The following DNAH9 variants were observed in gnomAD, a reference collection of about 807,000 sequenced individuals.
The protein encoded by DNAH9 is DNAH9 variant protein.
In DNAH9, 345 loss-of-function variants were observed where a neutral mutation model predicts 471.6. That is an observed-to-expected ratio of 0.73 (90% CI 0.67 to 0.80). DNAH9 has a LOEUF of 0.80. Among genes scored for constraint, DNAH9 ranks in the 30% least tolerant of loss-of-function variants. The pLI is 0.00. For missense variants in DNAH9, 5,407 were observed against 5,609.2 expected (o/e 0.96, Z 1.15); for synonymous variants, 2,093 against 2,123.6 (o/e 0.99, Z 0.40).
chr17:11,803,305 A>G (rs903866920), intron 43 of DNAH9, among the ~76,000 whole-genome samples: 7 of 152,060 alleles, frequency 4.6e-5, no homozygotes, highest in Non-Finnish European at 8.8e-5. Context: ...TCACTTAGCA[A>G]TCATTAACAA....
chr17:11,858,978 G>A (rs1056052918), intron 50 of DNAH9, among the ~76,000 whole-genome samples: 2 of 151,464 alleles, frequency 1.3e-5, no homozygotes, highest in African/African-American at 4.9e-5. Context: ...CAGCTACTTG[G>A]GAGGCTGAGG....
At chr17:11,878,630 C>A (rs555983384) in intron 53 of DNAH9, among the ~76,000 whole-genome samples, 3 of 152,122 alleles carry the variant, frequency 2.0e-5, no homozygotes, top group African/African-American at 7.2e-5. Flanking sequence ...ATCATGGCTC[C>A]CTGCAGCCTC....
chr17:11,812,231 C>T (rs574675746), intron 45 of DNAH9, among the ~76,000 whole-genome samples: 81 of 151,062 alleles, frequency 5.4e-4, no homozygotes, highest in Middle Eastern at 6.8e-3. Context: ...AGTCAGTGTA[C>T]AAATGTTCCT....
intron 29 of DNAH9, among the ~76,000 whole-genome samples, chr17:11,741,934 C>T (rs2075438720): frequency 6.6e-6 from 1 of 152,210 alleles, no homozygotes; most frequent in Non-Finnish European, 1.5e-5. Flanking sequence ...CTTAAGAAGG[C>T]GACTTCATTT....
At chr17:11,780,418 A>G (rs1236351201) in intron 38 of DNAH9, among the ~76,000 whole-genome samples, 1 of 152,186 alleles carries the variant, frequency 6.6e-6, no homozygotes, top group Non-Finnish European at 1.5e-5. Flanking sequence ...AAGGGCATCT[A>G]CCCAGCCCTG....
intron 61 of DNAH9, among the ~76,000 whole-genome samples, chr17:11,908,493 A>G (rs1042747299): frequency 2.6e-5 from 4 of 152,194 alleles, no homozygotes; most frequent in Admixed American, 2.6e-4. Flanking sequence ...TATTCCAATC[A>G]TAAAAGCCAC....
At chr17:11,651,727 T>C (rs1362545310) in intron 13 of DNAH9, among the ~76,000 whole-genome samples, 2 of 152,208 alleles carry the variant, frequency 1.3e-5, no homozygotes, top group Non-Finnish European at 1.5e-5. Flanking sequence ...CAATACACTT[T>C]CATTGGCTGA....
chr17:11,707,998 CACACACACACACACACAG>C (rs1477261788), intron 26 of DNAH9, among the ~76,000 whole-genome samples: 1,239 of 60,068 alleles, frequency 0.021, 9 homozygotes, highest in Non-Finnish European at 0.038. Flanking sequence ...CACACACACA[CACACACACACACACACAG>C]AGAGAGAGAG....
intron 22 of DNAH9, among the ~76,000 whole-genome samples, chr17:11,696,314 C>G (rs2074475925): frequency 6.6e-6 from 1 of 152,076 alleles, no homozygotes; most frequent in Non-Finnish European, 1.5e-5. Context: ...AAGATATCTC[C>G]CTCATTTTTT....
At chr17:11,891,408 C>T (rs548888379) in intron 57 of DNAH9, among the ~76,000 whole-genome samples, 1 of 152,268 alleles carries the variant, frequency 6.6e-6, no homozygotes, top group South Asian at 2.1e-4. Context: ...CTCTGTCGCC[C>T]AGCCTGGAAT....
At chr17:11,882,377 GAC>G in intron 55 of DNAH9, among the ~76,000 whole-genome samples, 1 of 152,258 alleles carries the variant, frequency 6.6e-6, no homozygotes, top group East Asian at 1.9e-4. Flanking sequence ...GGACTTTTAG[GAC>G]AACACAATTC....
chr17:11,814,111 A>G (rs1481511770), intron 45 of DNAH9, among the ~76,000 whole-genome samples: 5 of 152,204 alleles, frequency 3.3e-5, no homozygotes, highest in Non-Finnish European at 5.9e-5. Flanking sequence ...TGCTATAATA[A>G]TTCCTGAGGA....
intron 19 of DNAH9, among the ~76,000 whole-genome samples, chr17:11,687,965 A>G (rs1389558400): frequency 2.7e-5 from 4 of 150,882 alleles, no homozygotes; most frequent in Non-Finnish European, 5.9e-5. Context: ...GAAACCCTGT[A>G]TCTACTAAAA....
At chr17:11,889,330 T>C (rs1972978657) in intron 57 of DNAH9, among the ~76,000 whole-genome samples, 1 of 152,234 alleles carries the variant, frequency 6.6e-6, no homozygotes, top group Non-Finnish European at 1.5e-5. Flanking sequence ...CTTTGGTCCT[T>C]GGAGGGCTTT....
intron 49 of DNAH9, among the ~76,000 whole-genome samples, chr17:11,838,066 TATAGTC>T (rs1157335439): frequency 1.3e-5 from 2 of 152,242 alleles, no homozygotes; most frequent in East Asian, 3.8e-4. Flanking sequence ...GAACAATAGT[TATAGTC>T]ATATTCATGT....
intron 17 of DNAH9, among the ~76,000 whole-genome samples, chr17:11,674,277 T>C (rs576845690): frequency 1.3e-5 from 2 of 152,318 alleles, no homozygotes; most frequent in South Asian, 4.1e-4. Context: ...TCAAAGAGTA[T>C]GCATATAATG....
chr17:11,705,103 A>G lies in DNAH9; in HGVS notation c.5470A>G (p.Asn1824Asp). 6.2e-7 allele frequency: 1 copy of G among 1,614,148 alleles called. No individual in the cohort carries two copies. Among genetic ancestry groups the G allele is most frequent in the African/African-American group, 1.3e-5 (1 of 75,058 alleles). ...TGACGAGGTCAAACACTGCTTTGCC[A>G]ACATCTGTGATGCCCAGTTTTTGTA... is the stretch of plus-strand genomic sequence containing the variant. ...WDDEVKHCFA[N>D]ICDAQFLYSY... is the part of the protein sequence containing the mutation. Residue 1824 changes from asparagine to aspartate, a missense_variant, in exon 26 of 69, where the codon AAC becomes GAC. By Grantham distance (23) the Asn-to-Asp change is conservative. Around this residue, in one of 3 missense-constraint regions of DNAH9, gnomAD observed 4,636 missense variants for 4,900.3 expected, o/e 0.95. Transcript: ENST00000262442.
In DNAH9 at chr17:11,637,133, C is replaced by T. The variant is rs1597416156; in HGVS notation, c.1786+349C>T. On this transcript the variant is annotated intron_variant, in intron 9 of 68. Coordinates refer to ENST00000262442, the MANE Select transcript of DNAH9 (RefSeq NM_001372.4). The stretch of plus-strand genomic sequence containing the variant: ...CTCCATTCGAAAATAAATGTTTACA[C>T]GCCTGAGAAAAGTTTCTTATGCCTT... Among the ~76,000 whole-genome samples, 3 of 152,284 alleles carry T rather than the reference C, an allele frequency of 2.0e-5. No homozygotes were observed. In the South Asian group the frequency reaches 6.2e-4, roughly 32 times the overall value.
chr17:11,766,608 C>G (rs895387606), intron 36 of DNAH9, among the ~76,000 whole-genome samples: 2 of 152,132 alleles, frequency 1.3e-5, no homozygotes, highest in Non-Finnish European at 2.9e-5. Flanking sequence ...ACTGTGAGAG[C>G]CCAGGGGACA....
Sources: gnomAD v4.1 joint callset for allele counts (sites outside exome capture counted in the v4.1 genomes callset) on GRCh38, gnomAD v4.1.1 for gene constraint, gnomAD v4.1.1 regional missense constraint, MANE v1.5 for transcripts, NCBI Gene and HGNC (gene_info 2026-07-23, HGNC 2026-07-21) for gene names.